The following NCKAP5 variants were observed in gnomAD, a reference collection of about 807,000 sequenced individuals.
NCKAP5 encodes NCK associated protein 5, also known as nck-associated protein 5.
A neutral mutation model predicts 167.0 loss-of-function variants in NCKAP5; 92 were observed. The ratio of observed to expected loss-of-function variants is 0.55; its 90% CI spans 0.47 to 0.66. The LOEUF (loss-of-function observed/expected upper bound fraction) is 0.66, where lower values mean the gene tolerates loss of function less well. Among genes scored for constraint, NCKAP5 ranks in the 30% least tolerant of loss-of-function variants. The pLI, the probability that NCKAP5 is intolerant of heterozygous loss-of-function variation, is 0.00. For missense variants in NCKAP5, 2,378 were observed against 2,315.0 expected, an observed-to-expected ratio of 1.03 and a Z score of -0.56; for synonymous variants, 891 against 877.4, an observed-to-expected ratio of 1.02 and a Z score of -0.27.
At chr2:133,361,981 A>T (rs181899559) in intron 3 of NCKAP5, among the ~76,000 whole-genome samples, 1 of 151,792 alleles carries the variant, frequency 6.6e-6, no homozygotes, top group African/African-American at 2.4e-5. Flanking sequence ...TAATCAAGGA[A>T]TTGAGAGAAG....
the NCKAP5 span, among the ~76,000 whole-genome samples, chr2:133,672,010 CAAAT>C: frequency 6.6e-6 from 1 of 152,036 alleles, no homozygotes; most frequent in African/African-American, 2.4e-5. Flanking sequence ...AGGAGATAAA[CAAAT>C]AAATAAACAC....
chr2:133,099,957 A>C (rs2081455804), intron 6 of NCKAP5, among the ~76,000 whole-genome samples: 1 of 152,222 alleles, frequency 6.6e-6, no homozygotes, highest in African/African-American at 2.4e-5. Context: ...TCTACGGCCC[A>C]CTAGCTTAGA....
intron 3 of NCKAP5, among the ~76,000 whole-genome samples, chr2:133,485,842 C>A (rs543304956): frequency 6.6e-6 from 1 of 152,258 alleles, no homozygotes; most frequent in South Asian, 2.1e-4. Context: ...TTTCTTTACA[C>A]TGAGGCAACA....
At chr2:132,846,944 CATTA>C (rs72440523) in intron 11 of NCKAP5, among the ~76,000 whole-genome samples, 11,936 of 152,068 alleles carry the variant, frequency 0.078, 927 homozygotes, top group African/African-American at 0.19. Flanking sequence ...TTGTGTATTT[CATTA>C]ATTAAGTAAA....
chr2:133,500,031 A>G (rs1682353237), intron 3 of NCKAP5, among the ~76,000 whole-genome samples: 1 of 152,172 alleles, frequency 6.6e-6, no homozygotes, highest in Admixed American at 6.5e-5. Context: ...ATGTATCTAG[A>G]ATGCATTCTA....
chr2:133,090,194 T>C (rs2081125083), intron 6 of NCKAP5, among the ~76,000 whole-genome samples: 1 of 148,698 alleles, frequency 6.7e-6, no homozygotes, highest in South Asian at 2.1e-4. Context: ...CAGTGAGACC[T>C]TGTCCATACA....
chr2:133,518,359 TTTTTTTTTTTTTTG>T (rs1684191597), intron 2 of NCKAP5, among the ~76,000 whole-genome samples: 1 of 132,546 alleles, frequency 7.5e-6, no homozygotes, highest in African/African-American at 2.8e-5. Flanking sequence ...TTTTTTTTTT[TTTTTTTTTTTTTTG>T]GGATGGAATC....
intron 6 of NCKAP5, among the ~76,000 whole-genome samples, chr2:133,098,733 T>A (rs1254367031): frequency 6.6e-6 from 1 of 152,226 alleles, no homozygotes; most frequent in African/African-American, 2.4e-5. Context: ...AAAATATTCA[T>A]AACAATTTCC....
At chr2:133,659,875 GT>G in the NCKAP5 span, among the ~76,000 whole-genome samples, 1 of 152,116 alleles carries the variant, frequency 6.6e-6, no homozygotes, top group Non-Finnish European at 1.5e-5. Flanking sequence ...TTGCATATAT[GT>G]TTTAAAATGC....
intron 3 of NCKAP5, among the ~76,000 whole-genome samples, chr2:133,389,724 A>AAG (rs1687261862): frequency 1.3e-5 from 2 of 152,228 alleles, no homozygotes; most frequent in Admixed American, 6.5e-5. Context: ...GCTTGTGCAC[A>AAG]CATTCGTGTG....
At chr2:133,643,052 A>G in the NCKAP5 span, among the ~76,000 whole-genome samples, 2 of 152,094 alleles carry the variant, frequency 1.3e-5, no homozygotes, top group East Asian at 3.9e-4. Context: ...TTTACATGTC[A>G]TCTGAGAAGA....
At position 133,130,021 on chromosome 2, in the gene NCKAP5, G is replaced by C. The variant is rs766672267; in HGVS notation, c.298C>G (p.Arg100Gly). The change falls in exon 6 of 20, where the codon CGC (arginine) becomes GGC (glycine). Residue 100 changes from arginine (R) to glycine (G), a missense_variant. Physicochemically the swap from Arg to Gly is moderately radical, Grantham distance 125. This residue lies in a region of NCKAP5 where 1,049 missense variants were observed against 1,023.4 expected (regional missense o/e 1.02). Coordinates refer to ENST00000409261, the MANE Select transcript of NCKAP5 (RefSeq NM_207363.3). ...RLQEVTLESE[R>G]NRIQMRSLQQ... ...AAGCTACGCATCTGAATTCTGTTGC[G>C]TTCAGACTCTAGGGTCACCTCCTGC... is the stretch of plus-strand genomic sequence containing the variant. 1 of 1,610,898 alleles carries C rather than the reference G, an allele frequency of 6.2e-7. No individual in the cohort carries two copies. The highest frequency in any genetic ancestry group is 1.3e-5 in the African/African-American group (1 of 74,786).
intron 3 of NCKAP5, among the ~76,000 whole-genome samples, chr2:133,424,225 T>C (rs1333815686): frequency 6.6e-6 from 1 of 152,106 alleles, no homozygotes; most frequent in Non-Finnish European, 1.5e-5. Flanking sequence ...CTATAACTTG[T>C]CCAGGGTCAC....
chr2:132,923,034 T>C (rs558526256), intron 8 of NCKAP5, among the ~76,000 whole-genome samples: 9 of 152,336 alleles, frequency 5.9e-5, no homozygotes, highest in African/African-American at 2.2e-4. Flanking sequence ...ATCTCCTTCA[T>C]GCCAGGCACT....
chr2:133,575,797 A>G, the NCKAP5 span, among the ~76,000 whole-genome samples: 1 of 152,208 alleles, frequency 6.6e-6, no homozygotes. Context: ...GAATTAAAGT[A>G]CATTCTTCTT....
intron 11 of NCKAP5, among the ~76,000 whole-genome samples, chr2:132,831,450 C>G (rs897329573): frequency 6.6e-6 from 1 of 152,088 alleles, no homozygotes; most frequent in African/African-American, 2.4e-5. Flanking sequence ...ATTTGTCAAC[C>G]AACAATGTTG....
At chr2:133,470,688 G>T (rs1211297123) in intron 3 of NCKAP5, among the ~76,000 whole-genome samples, 1 of 152,238 alleles carries the variant, frequency 6.6e-6, no homozygotes, top group Non-Finnish European at 1.5e-5. Flanking sequence ...GACCCTCCAA[G>T]CCAGGTGCAG....
chr2:133,520,824 T>C (rs1684410896), intron 2 of NCKAP5, among the ~76,000 whole-genome samples: 1 of 152,178 alleles, frequency 6.6e-6, no homozygotes. Context: ...TTAGCAACAA[T>C]ATGGCATAAG....
chr2:133,168,070 C>T (rs995697131), intron 5 of NCKAP5, among the ~76,000 whole-genome samples: 2 of 152,106 alleles, frequency 1.3e-5, no homozygotes, highest in Admixed American at 1.3e-4. Context: ...GGCCCTAGAA[C>T]AAGCTGAAAT....
Sources: gnomAD v4.1 joint callset for allele counts (sites outside exome capture counted in the v4.1 genomes callset) on GRCh38, gnomAD v4.1.1 for gene constraint, gnomAD v4.1.1 regional missense constraint, MANE v1.5 for transcripts, NCBI Gene and HGNC (gene_info 2026-07-23, HGNC 2026-07-21) for gene names.